LEPR: variants seen among roughly 807,000 people sequenced by gnomAD.
LEPR encodes the protein leptin receptor, also known as OB receptor.
In LEPR, 56 loss-of-function variants were observed where a neutral mutation model predicts 114.7. The observed-to-expected ratio is 0.49, with a 90% confidence interval of 0.39 to 0.61. LEPR has a LOEUF of 0.61. LEPR is among the 20% of genes least tolerant of loss of function. LEPR has a pLI of 0.00. For synonymous variants in LEPR, 443 were observed against 461.4 expected (o/e 0.96, Z 0.51); for missense variants, 1,202 against 1,352.9 (o/e 0.89, Z 1.75).
At chr1:65,628,587 G>C (rs552212836) in intron 19 of LEPR, among the ~76,000 whole-genome samples, 68 of 152,178 alleles carry the variant, frequency 4.5e-4, no homozygotes, top group African/African-American at 1.6e-3. Context: ...TCTGAACATT[G>C]TGTTTTGAGC....
intron 2 of LEPR, among the ~76,000 whole-genome samples, chr1:65,430,832 A>G (rs1435098143): frequency 6.6e-6 from 1 of 152,052 alleles, no homozygotes; most frequent in Non-Finnish European, 1.5e-5. Flanking sequence ...GAGACGGTTG[A>G]AGCATGATCA....
At chr1:65,496,357 G>C (rs1648156186) in intron 2 of LEPR, among the ~76,000 whole-genome samples, 1 of 152,140 alleles carries the variant, frequency 6.6e-6, no homozygotes, top group Admixed American at 6.5e-5. Context: ...GGGATGGCTT[G>C]AGCTGAGGAG....
At chr1:65,544,026 G>A (rs1019961529) in intron 2 of LEPR, among the ~76,000 whole-genome samples, 2 of 151,984 alleles carry the variant, frequency 1.3e-5, no homozygotes, top group African/African-American at 4.8e-5. Context: ...GCTTGATGGG[G>A]ATAGCACTGA....
At chr1:65,570,943 G>T in intron 4 of LEPR, 141 bp downstream of exon 4, 1 of 688,348 alleles carries the variant, frequency 1.5e-6, no homozygotes, top group Non-Finnish European at 2.1e-6. Context: ...TTCATTATGT[G>T]AACAAACTAA....
At chr1:65,484,081 C>T (rs1472896541) in intron 2 of LEPR, among the ~76,000 whole-genome samples, 1 of 151,832 alleles carries the variant, frequency 6.6e-6, no homozygotes, top group African/African-American at 2.4e-5. Flanking sequence ...GGTCTCGAAC[C>T]CCTAGCTTCA....
intron 19 of LEPR, chr1:65,634,468 T>A (rs927961951): frequency 7.3e-6 from 7 of 954,966 alleles, no homozygotes; most frequent in African/African-American, 5.3e-5. Context: ...TATAGTGAAA[T>A]TTTTTAAATG....
At chr1:65,604,347 T>C (rs1656665042) in intron 10 of LEPR, among the ~76,000 whole-genome samples, 1 of 152,082 alleles carries the variant, frequency 6.6e-6, no homozygotes, top group South Asian at 2.1e-4. Flanking sequence ...TAATTTAATT[T>C]AATTTTATTT....
intron 2 of LEPR, among the ~76,000 whole-genome samples, chr1:65,459,930 C>T (rs1409122264): frequency 6.6e-6 from 1 of 152,158 alleles, no homozygotes; most frequent in Non-Finnish European, 1.5e-5. Context: ...AACTAGCTCT[C>T]TATTAATATT....
At chr1:65,579,109 G>A (rs1654802088) in intron 5 of LEPR, among the ~76,000 whole-genome samples, 1 of 152,168 alleles carries the variant, frequency 6.6e-6, no homozygotes, top group South Asian at 2.1e-4. Flanking sequence ...TGGTGAGAAG[G>A]TGCTCTAGCT....
chr1:65,510,258 C>G (rs1300081108), intron 2 of LEPR, among the ~76,000 whole-genome samples: 1 of 152,120 alleles, frequency 6.6e-6, no homozygotes, highest in African/African-American at 2.4e-5. Context: ...AAAAATTCTC[C>G]TTTTTGGCTA....
chr1:65,433,232 C>G (rs373378880), intron 2 of LEPR: 419 of 985,346 alleles, frequency 4.3e-4, no homozygotes, highest in Admixed American at 8.0e-4. Flanking sequence ...GGCTTCTTCC[C>G]GAAGAGATAT....
chr1:65,494,003 G>C (rs984155580), intron 2 of LEPR: 1 of 152,146 alleles, frequency 6.6e-6, no homozygotes, highest in African/African-American at 2.4e-5. Context: ...GATTCCGTCT[G>C]CTTTGGAGGT....
intron 2 of LEPR, among the ~76,000 whole-genome samples, chr1:65,485,390 C>G (rs1377371565): frequency 6.6e-6 from 1 of 151,956 alleles, no homozygotes; most frequent in African/African-American, 2.4e-5. Context: ...TGATTATATC[C>G]TTTTTACAAA....
At chr1:65,429,268 G>C (rs1646437749) in intron 2 of LEPR, among the ~76,000 whole-genome samples, 1 of 152,098 alleles carries the variant, frequency 6.6e-6, no homozygotes, top group South Asian at 2.1e-4. Flanking sequence ...TTGCAAGCAG[G>C]GGGCACAGCT....
chr1:65,473,985 T>C (rs1458234871), intron 2 of LEPR, among the ~76,000 whole-genome samples: 1 of 152,204 alleles, frequency 6.6e-6, no homozygotes, highest in Non-Finnish European at 1.5e-5. Context: ...TCTTTTTCAA[T>C]TTTGTGTCAC....
intron 17 of LEPR, among the ~76,000 whole-genome samples, chr1:65,620,734 G>T (rs1023701033): frequency 6.6e-6 from 1 of 152,076 alleles, no homozygotes; most frequent in Non-Finnish European, 1.5e-5. Context: ...ACTACAGGAG[G>T]TCCTTGAATA....
At chr1:65,630,648 A>G (rs973059938) in intron 19 of LEPR, among the ~76,000 whole-genome samples, 4 of 151,512 alleles carry the variant, frequency 2.6e-5, no homozygotes, top group Non-Finnish European at 4.4e-5. Context: ...CTCTGCGTAG[A>G]TCTTCCACAT....
chr1:65,438,255 G>A (rs1048534023), intron 2 of LEPR, among the ~76,000 whole-genome samples: 5 of 151,478 alleles, frequency 3.3e-5, no homozygotes, highest in Non-Finnish European at 7.4e-5. Flanking sequence ...TTATGGCCAC[G>A]ATAAAGAAGA....
rs1489139176 is a variant in LEPR, at chr1:65,639,707, C to T, written c.*2692C>T. The T allele has an allele frequency of 6.6e-6, 1 of 152,114 alleles. No homozygotes were observed. The highest frequency in any genetic ancestry group is 1.5e-5 in the Non-Finnish European group (1 of 68,014). The allele number at this position is 152,114 out of a possible 1,614,324, so 9.4% of individuals were successfully genotyped here. On this transcript the variant is annotated 3_prime_UTR_variant, in exon 20 of 20. Coordinates refer to ENST00000349533, the MANE Select transcript of LEPR (RefSeq NM_002303.6). ...TTAAACCGAAACACAAGCTACTAAT[C>T]AGTCTTTCTAAATCTGACCTTCATT...
Sources: allele counts gnomAD v4.1 joint callset (sites outside exome capture counted in the v4.1 genomes callset), GRCh38; gene constraint gnomAD v4.1.1; transcripts MANE v1.5; gene names NCBI Gene and HGNC (gene_info 2026-07-23, HGNC 2026-07-21).